DOCK4: variants seen among roughly 807,000 people sequenced by gnomAD.
DOCK4 encodes dedicator of cytokinesis protein 4.
Under a neutral mutation model 268.1 loss-of-function variants are expected in DOCK4, and 97 were observed. That is an observed-to-expected ratio of 0.36 (90% CI 0.31 to 0.43). The LOEUF (loss-of-function observed/expected upper bound fraction) is 0.43, where lower values mean the gene tolerates loss of function less well. DOCK4 is among the 20% of genes least tolerant of loss of function. DOCK4 has a pLI of 1.00. For missense variants in DOCK4, 2,145 were observed against 2,455.7 expected, an observed-to-expected ratio of 0.87 and a Z score of 2.67; for synonymous variants, 954 against 887.2, an observed-to-expected ratio of 1.08 and a Z score of -1.34.
chr7:111,928,467 G>A lies in DOCK4; in HGVS notation c.1066+7073C>T, dbSNP rs948846363. Among the ~76,000 whole-genome samples, 7 of 151,688 alleles carry A rather than the reference G, an allele frequency of 4.6e-5. No homozygotes were observed. In the South Asian group the frequency reaches 8.4e-4, roughly 18 times the overall value. ...GCATGAACTTTAAAAAATATCTTAC[G>A]GTGTAATGTAGTAACATATTTTGAA... is the stretch of plus-strand genomic sequence containing the variant. On this transcript the variant is annotated intron_variant, in intron 12 of 52. Transcript: ENST00000428084.
chr7:111,886,324 T>C lies in DOCK4; in HGVS notation c.1588-9138A>G, dbSNP rs1463467601. 5.3e-5 allele frequency among the ~76,000 whole-genome samples: 8 copies of C among 152,228 alleles called. No homozygotes were observed. In the East Asian group the frequency reaches 1.5e-3, roughly 29 times the overall value. On this transcript the variant is annotated intron_variant, in intron 16 of 52. Transcript: ENST00000428084. ...AAATGAGTAGTCATCCTTTATGTCATTATTAAAAATTTATTAAATTCCAAA... is the reference window on the plus strand; with the variant it reads ...AAATGAGTAGTCATCCTTTATGTCACTATTAAAAATTTATTAAATTCCAAA...
At chr7:112,102,141 C>CTA (rs1295971280) in intron 1 of DOCK4, among the ~76,000 whole-genome samples, 2 of 152,180 alleles carry the variant, frequency 1.3e-5, no homozygotes, top group Non-Finnish European at 2.9e-5. Context: ...TCGGTTCTTG[C>CTA]TATAACGCTC....
intron 16 of DOCK4, among the ~76,000 whole-genome samples, chr7:111,879,064 G>C (rs992560130): frequency 4.6e-5 from 7 of 151,928 alleles, no homozygotes; most frequent in Admixed American, 4.6e-4. Context: ...AGCAACAAAA[G>C]TGACTCCTTC....
intron 12 of DOCK4, among the ~76,000 whole-genome samples, chr7:111,932,746 T>C (rs1452762919): frequency 6.6e-6 from 1 of 152,154 alleles, no homozygotes; most frequent in Non-Finnish European, 1.5e-5. Context: ...GTCTTCAAAA[T>C]ACGGTATGTT....
chr7:111,976,913 T>C, intron 8 of DOCK4: 2 of 409,796 alleles, frequency 4.9e-6, no homozygotes, highest in East Asian at 7.4e-5. Flanking sequence ...TTATTCTGAT[T>C]CTATAGCCCT....
At chr7:111,949,649 A>G (rs941197403) in intron 8 of DOCK4, among the ~76,000 whole-genome samples, 2 of 152,196 alleles carry the variant, frequency 1.3e-5, no homozygotes, top group African/African-American at 4.8e-5. Flanking sequence ...AAAAGAAAAA[A>G]AAAAGGAAAA....
intron 1 of DOCK4, among the ~76,000 whole-genome samples, chr7:112,162,516 TC>T (rs1817222583): frequency 2.8e-5 from 2 of 71,088 alleles, no homozygotes; most frequent in African/African-American, 8.1e-4. Flanking sequence ...TTTCTTTCTC[TC>T]TCTCTCTCTC....
At chr7:112,059,074 A>G (rs1409949247) in intron 1 of DOCK4, among the ~76,000 whole-genome samples, 10 of 152,116 alleles carry the variant, frequency 6.6e-5, no homozygotes, top group Non-Finnish European at 5.9e-5. Context: ...ATGAAGCTAC[A>G]ATAATGCTTT....
At chr7:112,027,560 A>C (rs920095097) in intron 1 of DOCK4, among the ~76,000 whole-genome samples, 8 of 152,196 alleles carry the variant, frequency 5.3e-5, no homozygotes, top group African/African-American at 1.9e-4. Flanking sequence ...CAATTAACTA[A>C]ATAAAAAATC....
At position 111,762,762 on chromosome 7, in the gene DOCK4, C is replaced by CTTTTTTTTTTT. The variant is rs869052136; in HGVS notation, c.4020+2345_4020+2355dup. ...TAAATAACCCATTTTGTTTTGTTTT[C>CTTTTTTTTTTT]TTTTTTTTTTTTTTTTTTTTTTTTG... On this transcript the variant is annotated intron_variant, in intron 39 of 52. Transcript: ENST00000428084. Among the ~76,000 whole-genome samples the CTTTTTTTTTTT allele has an allele frequency of 1.2e-3, 73 of 63,074 alleles. 13 individuals are homozygous for CTTTTTTTTTTT. Among genetic ancestry groups the CTTTTTTTTTTT allele is most frequent in the African/African-American group, 1.6e-3 (30 of 18,378 alleles). 41.4% of individuals were successfully genotyped at this position (63,074 alleles called of 152,430 possible).
At chr7:111,938,463 C>A (rs1794916701) in intron 11 of DOCK4, among the ~76,000 whole-genome samples, 1 of 152,140 alleles carries the variant, frequency 6.6e-6, no homozygotes, top group Non-Finnish European at 1.5e-5. Context: ...TGGAGGTAGC[C>A]AATGGTGTGG....
intron 25 of DOCK4, among the ~76,000 whole-genome samples, chr7:111,839,837 T>A (rs1803537018): frequency 6.6e-6 from 1 of 152,200 alleles, no homozygotes; most frequent in African/African-American, 2.4e-5. Context: ...TTAAATTTTT[T>A]ATTTCCATAG....
At chr7:111,830,627 C>G (rs1563562148) in intron 26 of DOCK4, among the ~76,000 whole-genome samples, 1 of 152,020 alleles carries the variant, frequency 6.6e-6, no homozygotes, top group Non-Finnish European at 1.5e-5. Context: ...GAAGTTAGTA[C>G]CTCTTTCTTA....
chr7:111,869,829 A>T (rs948357257), intron 20 of DOCK4, among the ~76,000 whole-genome samples, 174 bp from the exon 21 acceptor site: 2 of 152,188 alleles, frequency 1.3e-5, no homozygotes, highest in Non-Finnish European at 2.9e-5. Context: ...CAACACTGCC[A>T]CCCTTTTCAA....
chr7:112,093,999 A>T (rs1809878764), intron 1 of DOCK4, among the ~76,000 whole-genome samples: 1 of 152,110 alleles, frequency 6.6e-6, no homozygotes, highest in Admixed American at 6.5e-5. Flanking sequence ...TTATGAGACC[A>T]TTTGACTTAC....
At chr7:112,007,655 G>A (rs908503061) in intron 1 of DOCK4, among the ~76,000 whole-genome samples, 2 of 151,996 alleles carry the variant, frequency 1.3e-5, no homozygotes, top group African/African-American at 4.8e-5. Flanking sequence ...TAGGTAAAGA[G>A]CGAAGAATTT....
chr7:111,907,377 A>G (rs964150113), intron 13 of DOCK4, among the ~76,000 whole-genome samples: 4 of 152,214 alleles, frequency 2.6e-5, no homozygotes, highest in African/African-American at 9.6e-5. Context: ...AGGCAAGAGC[A>G]TGGATAAACT....
chr7:112,076,389 TA>T (rs1212064940), intron 1 of DOCK4, among the ~76,000 whole-genome samples: 1 of 152,082 alleles, frequency 6.6e-6, no homozygotes, highest in Admixed American at 6.6e-5. Flanking sequence ...CAAAAAATGT[TA>T]AATTTTTTGG....
intron 1 of DOCK4, among the ~76,000 whole-genome samples, chr7:112,015,837 A>C (rs970765576): frequency 1.3e-5 from 2 of 152,170 alleles, no homozygotes; most frequent in African/African-American, 4.8e-5. Context: ...TTGTGCTAAG[A>C]GCCTTTCTGC....
Sources: allele counts gnomAD v4.1 joint callset (sites outside exome capture counted in the v4.1 genomes callset), GRCh38; gene constraint gnomAD v4.1.1; transcripts MANE v1.5; gene names NCBI Gene and HGNC (gene_info 2026-07-23, HGNC 2026-07-21).